The following EXOC6B variants were observed in gnomAD, a reference collection of about 807,000 sequenced individuals.
EXOC6B encodes SEC15 homolog B.
Under a neutral mutation model 113.5 loss-of-function variants are expected in EXOC6B, and 54 were observed. The observed-to-expected ratio is 0.48, with a 90% confidence interval of 0.38 to 0.60. The LOEUF (loss-of-function observed/expected upper bound fraction) is 0.60, where lower values mean the gene tolerates loss of function less well. EXOC6B is among the 20% of genes least tolerant of loss of function. The pLI, the probability that EXOC6B is intolerant of heterozygous loss-of-function variation, is 0.00. For missense variants in EXOC6B, 797 were observed against 977.5 expected (o/e 0.82, Z 2.46); for synonymous variants, 357 against 339.0 (o/e 1.05, Z -0.58).
At position 72,184,111 on chromosome 2, in the gene EXOC6B, C is replaced by T. The variant is rs752417464; in HGVS notation, c.2273G>A (p.Arg758Gln). 3 of 1,566,004 alleles carry T rather than the reference C, an allele frequency of 1.9e-6. No homozygotes were observed. The highest frequency in any genetic ancestry group is 1.2e-5 in the South Asian group (1 of 84,812). The change falls in exon 21 of 22, where the codon CGG becomes CAG. Residue 758 changes from arginine to glutamine, a missense_variant. Arg to Gln is a conservative substitution (Grantham distance 43). Coordinates refer to ENST00000272427, the MANE Select transcript of EXOC6B (RefSeq NM_015189.3). ...GGTCAGAGCAGTCACTGGGTTTACC[C>T]GGAGGTACTTGCAGTTGGGCTGACC... Reference protein sequence around the residue: ...DYGQPNCKYLRVNPVTALTLL... With the variant: ...DYGQPNCKYLQVNPVTALTLL...
chr2:72,439,308 G>C (rs1476677725), intron 18 of EXOC6B, among the ~76,000 whole-genome samples: 1 of 152,164 alleles, frequency 6.6e-6, no homozygotes, highest in Admixed American at 6.5e-5. Context: ...AGTGCTCATG[G>C]AAGATACCCT....
chr2:72,240,427 G>A (rs1313285477), intron 20 of EXOC6B, among the ~76,000 whole-genome samples: 2 of 151,576 alleles, frequency 1.3e-5, no homozygotes, highest in African/African-American at 2.4e-5. Context: ...TAATACTTAC[G>A]GAAAAAAAAA....
chr2:72,606,554 C>T (rs1670764582), intron 6 of EXOC6B, among the ~76,000 whole-genome samples: 1 of 151,874 alleles, frequency 6.6e-6, no homozygotes, highest in Non-Finnish European at 1.5e-5. Context: ...AACAGTAAGA[C>T]CCTTTCTCTA....
intron 19 of EXOC6B, among the ~76,000 whole-genome samples, chr2:72,357,065 G>A (rs1690006504): frequency 6.6e-6 from 1 of 152,164 alleles, no homozygotes; most frequent in South Asian, 2.1e-4. Flanking sequence ...AATTTAAAAT[G>A]TGTGAATTGT....
At chr2:72,194,101 T>A (rs1679013225) in intron 20 of EXOC6B, among the ~76,000 whole-genome samples, 1 of 152,130 alleles carries the variant, frequency 6.6e-6, no homozygotes, top group African/African-American at 2.4e-5. Context: ...GCTCTGAAAT[T>A]CTCTCAGATG....
intron 6 of EXOC6B, among the ~76,000 whole-genome samples, chr2:72,641,842 C>G (rs190165049): frequency 1.1e-4 from 16 of 152,324 alleles, no homozygotes; most frequent in Non-Finnish European, 1.9e-4. Context: ...CAGGAGGGTA[C>G]CCCTCTGGGA....
chr2:72,567,838 G>A (rs1412921465), intron 7 of EXOC6B, among the ~76,000 whole-genome samples: 4 of 152,018 alleles, frequency 2.6e-5, no homozygotes, highest in African/African-American at 9.7e-5. Flanking sequence ...AAAATAAGGG[G>A]AGAAAAGGAA....
At chr2:72,183,978 C>T (rs985638687) in intron 21 of EXOC6B, 97 bp downstream of exon 21, 14 of 653,180 alleles carry the variant, frequency 2.1e-5, no homozygotes, top group African/African-American at 5.5e-5. Context: ...ACAAGGCTAT[C>T]TTTCAAGGTA....
intron 8 of EXOC6B, among the ~76,000 whole-genome samples, chr2:72,548,886 A>C (rs1392967710): frequency 1.3e-5 from 2 of 152,172 alleles, no homozygotes; most frequent in African/African-American, 4.8e-5. Flanking sequence ...CTGAAACATT[A>C]GAAAAAACTG....
intron 1 of EXOC6B, among the ~76,000 whole-genome samples, chr2:72,778,265 T>C (rs964270112): frequency 2.6e-5 from 4 of 152,014 alleles, no homozygotes; most frequent in African/African-American, 9.7e-5. Flanking sequence ...GATCCCAAGA[T>C]AGAAATAGGT....
Position 72,179,347 on chromosome 2 carries a change from G to A in EXOC6B, c.2424C>T (p.Ser808=). ...VAKQLRGLIS[S]HHS ...CCGGGGTCACCCTTCATGAGTGGTG[G>A]CTGCTGATGAGTCCTCGGAGCTGCT... Residue 808 remains serine, a synonymous_variant, in exon 22 of 22, where the codon AGC becomes AGT. Transcript: ENST00000272427. 4 of 1,609,292 alleles carry A rather than the reference G, an allele frequency of 2.5e-6. No homozygotes were observed. Among genetic ancestry groups the A allele is most frequent in the Non-Finnish European group, 3.4e-6 (4 of 1,177,504 alleles).
In EXOC6B at chr2:72,178,349, A is replaced by G. The variant is rs1677866025; in HGVS notation, c.*986T>C. 6.6e-6 allele frequency: 1 copy of G among 152,242 alleles called. No individual in the cohort carries two copies. Among genetic ancestry groups the G allele is most frequent in the Non-Finnish European group, 1.5e-5 (1 of 68,048 alleles). 9.4% of individuals were successfully genotyped at this position (152,242 alleles called of 1,614,324 possible). On this transcript the variant is annotated 3_prime_UTR_variant, in exon 22 of 22. Coordinates refer to ENST00000272427, the MANE Select transcript of EXOC6B (RefSeq NM_015189.3). ...TTTAAAACATAAAGGAACAATCCCA[A>G]CTAATCCTCAGGTTACACCTAAGGG...
intron 18 of EXOC6B, among the ~76,000 whole-genome samples, chr2:72,449,393 G>A (rs1276236368): frequency 6.6e-6 from 1 of 151,202 alleles, no homozygotes; most frequent in Admixed American, 6.6e-5. Context: ...GGATGGTCTC[G>A]ATCTCCAGAC....
chr2:72,466,657 G>T (rs1172012746), intron 17 of EXOC6B, among the ~76,000 whole-genome samples: 1 of 151,994 alleles, frequency 6.6e-6, no homozygotes, highest in Non-Finnish European at 1.5e-5. Flanking sequence ...AAATTTGATT[G>T]ATAAATAAAA....
chr2:72,684,712 A>T (rs1676957531), intron 6 of EXOC6B, among the ~76,000 whole-genome samples: 1 of 152,246 alleles, frequency 6.6e-6, no homozygotes, highest in Non-Finnish European at 1.5e-5. Context: ...CTTTATATAA[A>T]AGAGTACATA....
At chr2:72,810,601 T>A (rs902901818) in intron 1 of EXOC6B, among the ~76,000 whole-genome samples, 2 of 151,684 alleles carry the variant, frequency 1.3e-5, no homozygotes, top group African/African-American at 4.8e-5. Context: ...AGGACAGAAA[T>A]AATCAAATAA....
chr2:72,653,972 T>TTA (rs202031245), intron 6 of EXOC6B, among the ~76,000 whole-genome samples: 950 of 5,876 alleles, frequency 0.16, 11 homozygotes, highest in African/African-American at 0.2. Context: ...TTTTATTTAT[T>TTA]TTTTTTTTTT....
At chr2:72,512,209 T>A (rs888401449) in intron 11 of EXOC6B, among the ~76,000 whole-genome samples, 8 of 152,060 alleles carry the variant, frequency 5.3e-5, no homozygotes, top group African/African-American at 1.7e-4. Flanking sequence ...ACATGTTTAT[T>A]GGATATCTCT....
intron 6 of EXOC6B, among the ~76,000 whole-genome samples, chr2:72,672,173 C>A (rs1449134649): frequency 2.1e-5 from 3 of 144,602 alleles, no homozygotes; most frequent in African/African-American, 5.2e-5. Context: ...ACCATATGAG[C>A]CAGCAATTCG....
Sources: gnomAD v4.1 joint callset for allele counts (sites outside exome capture counted in the v4.1 genomes callset) on GRCh38, gnomAD v4.1.1 for gene constraint, MANE v1.5 for transcripts, NCBI Gene and HGNC (gene_info 2026-07-23, HGNC 2026-07-21) for gene names.